COG5: variants seen among roughly 807,000 people sequenced by gnomAD.
COG5 encodes component of oligomeric golgi complex 5.
Under a neutral mutation model 110.4 loss-of-function variants are expected in COG5, and 86 were observed. The observed-to-expected ratio is 0.78, with a 90% CI of 0.65 to 0.93. The LOEUF (loss-of-function observed/expected upper bound fraction) is 0.93. COG5 is among the 40% of genes least tolerant of loss of function. COG5 has a pLI of 0.00. For synonymous variants in COG5, 360 were observed against 334.6 expected (o/e 1.08, Z -0.83); for missense variants, 1,077 against 987.0 (o/e 1.09, Z -1.22).
chr7:107,487,584 AT>A (rs748237398), intron 6 of COG5, among the ~76,000 whole-genome samples: 1 of 152,114 alleles, frequency 6.6e-6, no homozygotes, highest in African/African-American at 2.4e-5. Flanking sequence ...AATATATTTT[AT>A]TTTGAAATAT....
chr7:107,316,657 CAAAA>C (rs760555445), intron 11 of COG5, among the ~76,000 whole-genome samples: 1 of 75,918 alleles, frequency 1.3e-5, no homozygotes, highest in Non-Finnish European at 2.4e-5. Flanking sequence ...ACTAAAAATA[CAAAA>C]AAAAAAAAAA....
At chr7:107,402,276 T>C (rs1418388602) in intron 7 of COG5, among the ~76,000 whole-genome samples, 1 of 152,152 alleles carries the variant, frequency 6.6e-6, no homozygotes, top group Non-Finnish European at 1.5e-5. Flanking sequence ...TTAGTTACTA[T>C]CACTAGCAAC....
chr7:107,321,719 A>T (rs1345072503), intron 11 of COG5, among the ~76,000 whole-genome samples: 1 of 152,216 alleles, frequency 6.6e-6, no homozygotes, highest in Non-Finnish European at 1.5e-5. Context: ...GAATGTTGAG[A>T]TAACTCATAA....
At chr7:107,507,168 T>C (rs114802948) in intron 6 of COG5, among the ~76,000 whole-genome samples, 2,253 of 152,340 alleles carry the variant, frequency 0.015, 56 homozygotes, top group African/African-American at 0.052. Context: ...TCTGGGGACT[T>C]ACAGTTTTTC....
intron 14 of COG5, among the ~76,000 whole-genome samples, chr7:107,263,287 G>A (rs1803521759): frequency 6.6e-6 from 1 of 152,162 alleles, no homozygotes; most frequent in African/African-American, 2.4e-5. Context: ...GTTCAGCAAG[G>A]CATCTCAAAG....
chr7:107,295,095 ATATATATTTT>A (rs1456606744), intron 12 of COG5, among the ~76,000 whole-genome samples: 7 of 75,834 alleles, frequency 9.2e-5, no homozygotes, highest in South Asian at 5.1e-4. Flanking sequence ...ATATATATAT[ATATATATTTT>A]TTTTTTTTTT....
chr7:107,426,846 C>T (rs1793675629), intron 6 of COG5, among the ~76,000 whole-genome samples: 1 of 152,160 alleles, frequency 6.6e-6, no homozygotes, highest in Non-Finnish European at 1.5e-5. Context: ...TCTCTTTATA[C>T]ATTCTAAAAT....
At chr7:107,243,127 G>C (rs1015342586) in intron 17 of COG5, among the ~76,000 whole-genome samples, 1 of 152,030 alleles carries the variant, frequency 6.6e-6, no homozygotes, top group Admixed American at 6.6e-5. Context: ...TAACGGTAAG[G>C]GTTCAATTCA....
chr7:107,427,990 G>A (rs192363797), intron 6 of COG5, among the ~76,000 whole-genome samples: 16 of 152,146 alleles, frequency 1.1e-4, no homozygotes, highest in African/African-American at 2.6e-4. Flanking sequence ...TGGGAAGTGC[G>A]TGCTGACTGG....
intron 8 of COG5, among the ~76,000 whole-genome samples, chr7:107,369,990 C>T (rs570256504): frequency 1.5e-4 from 23 of 152,174 alleles, no homozygotes; most frequent in Non-Finnish European, 3.1e-4. Context: ...TGTGACCTGC[C>T]TATTCATATT....
chr7:107,404,627 A>G lies in COG5; in HGVS notation c.669+7875T>C, dbSNP rs115397367. ...AGCTTGTGAGACTGAAAAGCAGAGA[A>G]CATATGAGGAGAGTAGCATAAAATG... On this transcript the variant is annotated intron_variant, in intron 7 of 21. Transcript: ENST00000297135. Among the ~76,000 whole-genome samples the G allele has an allele frequency of 5.2e-3, 797 of 152,268 alleles. 8 individuals are homozygous for G. Among genetic ancestry groups the G allele is most frequent in the African/African-American group, 0.019 (775 of 41,560 alleles).
At chr7:107,347,011 T>C (rs377139690) in intron 10 of COG5, among the ~76,000 whole-genome samples, 12 of 152,324 alleles carry the variant, frequency 7.9e-5, no homozygotes, top group Admixed American at 5.9e-4. Context: ...TGAAAAATGA[T>C]TGGTATATCA....
In COG5 at chr7:107,297,443, CTTTTTTTTTTTTTT is replaced by C. The variant is rs71314693; in HGVS notation, c.1313+685_1313+698del. On this transcript the variant is annotated intron_variant, in intron 12 of 21. Transcript: ENST00000297135. ...TACCCAAGGGATGAGTACATTCTGC[CTTTTTTTTTTTTTT>C]TTTTTTTTTGAGACGGAGTATCATT... is the stretch of plus-strand genomic sequence containing the variant. Among the ~76,000 whole-genome samples, 9 of 77,986 alleles carry C rather than the reference CTTTTTTTTTTTTTT, an allele frequency of 1.2e-4. No individual in the cohort carries two copies. The Admixed American group carries it at 1.5e-3, about 13-fold the overall frequency. 51.2% of individuals were successfully genotyped at this position (77,986 alleles called of 152,430 possible).
At chr7:107,539,933 T>A (rs1233947281) in intron 5 of COG5, among the ~76,000 whole-genome samples, 6 of 152,194 alleles carry the variant, frequency 3.9e-5, no homozygotes, top group Non-Finnish European at 8.8e-5. Flanking sequence ...GCTTAACAAT[T>A]GTCTCAGATT....
At chr7:107,505,580 A>G (rs898157408) in intron 6 of COG5, among the ~76,000 whole-genome samples, 1 of 152,198 alleles carries the variant, frequency 6.6e-6, no homozygotes, top group African/African-American at 2.4e-5. Flanking sequence ...GTGGTGAATG[A>G]GGGGGAAAAG....
At chr7:107,317,146 T>C (rs537416870) in intron 11 of COG5, among the ~76,000 whole-genome samples, 9 of 152,088 alleles carry the variant, frequency 5.9e-5, no homozygotes, top group Admixed American at 5.9e-4. Flanking sequence ...ACATGCAACA[T>C]AGGACGGTGA....
chr7:107,407,050 T>C (rs560023606), intron 7 of COG5, among the ~76,000 whole-genome samples: 41 of 152,192 alleles, frequency 2.7e-4, no homozygotes, highest in Non-Finnish European at 4.4e-4. Context: ...GAGAAGTAAT[T>C]ATCAAAGAAT....
chr7:107,425,370 T>C (rs1384230467), intron 6 of COG5, among the ~76,000 whole-genome samples: 2 of 150,120 alleles, frequency 1.3e-5, no homozygotes, highest in Non-Finnish European at 3.0e-5. Context: ...ATGAGGAAGA[T>C]ACACATCTAT....
intron 6 of COG5, among the ~76,000 whole-genome samples, chr7:107,523,339 T>C (rs1382252274): frequency 6.6e-6 from 1 of 151,912 alleles, no homozygotes; most frequent in Admixed American, 6.6e-5. Context: ...ATACAATTAA[T>C]TTTTTGTATA....
Sources: gnomAD v4.1 joint callset for allele counts (sites outside exome capture counted in the v4.1 genomes callset) on GRCh38, gnomAD v4.1.1 for gene constraint, MANE v1.5 for transcripts, NCBI Gene and HGNC (gene_info 2026-07-23, HGNC 2026-07-21) for gene names.